The following PCDHA12 variants were observed in gnomAD, a reference collection of about 807,000 sequenced individuals.
The protein encoded by PCDHA12 is protocadherin alpha-12.
A neutral mutation model predicts 60.0 loss-of-function variants in PCDHA12; 44 were observed. That is an observed-to-expected ratio of 0.73 (90% CI 0.58 to 0.94). The LOEUF is 0.94. PCDHA12 is among the 40% of genes least tolerant of loss of function. The pLI, the probability that PCDHA12 is intolerant of heterozygous loss-of-function variation, is 0.00. For synonymous variants in PCDHA12, 569 were observed against 553.0 expected (o/e 1.03, Z -0.40); for missense variants, 1,276 against 1,239.7 (o/e 1.03, Z -0.44).
At chr5:140,949,219 C>T (rs543953096) in intron 1 of PCDHA12, among the ~76,000 whole-genome samples, 3 of 151,842 alleles carry the variant, frequency 2.0e-5, no homozygotes, top group African/African-American at 7.2e-5. Flanking sequence ...TCTGTTTAGA[C>T]TTGTTCTGTG....
intron 1 of PCDHA12, among the ~76,000 whole-genome samples, chr5:140,924,235 G>C (rs1320085802): frequency 6.6e-6 from 1 of 152,208 alleles, no homozygotes; most frequent in Non-Finnish European, 1.5e-5. Flanking sequence ...TTTATGGGCT[G>C]TTTTGCATCC....
rs530563833 is a variant in PCDHA12, at chr5:140,894,957, T to A, written c.2367+17118T>A. Among the ~76,000 whole-genome samples, 18 of 152,324 alleles carry A rather than the reference T, an allele frequency of 1.2e-4. No individual in the cohort carries two copies. In the East Asian group the frequency reaches 3.3e-3, roughly 28 times the overall value. Reference sequence around the variant, plus strand: ...AGCTATTGTCATGAAATGATAAAAATATAATTTTTTAATGTCTTACTTTGT... The same window carrying A: ...AGCTATTGTCATGAAATGATAAAAAAATAATTTTTTAATGTCTTACTTTGT... On this transcript the variant is annotated intron_variant, in intron 1 of 3. Transcript: ENST00000398631.
chr5:140,992,216 C>G (rs1554252754), intron 3 of PCDHA12, among the ~76,000 whole-genome samples: 1 of 152,100 alleles, frequency 6.6e-6, no homozygotes, highest in African/African-American at 2.4e-5. Flanking sequence ...AAACTACTCT[C>G]CCTTCCTGGG....
intron 1 of PCDHA12, among the ~76,000 whole-genome samples, chr5:140,958,063 A>G (rs2095406851): frequency 6.6e-6 from 1 of 152,118 alleles, no homozygotes; most frequent in Non-Finnish European, 1.5e-5. Flanking sequence ...GAGAGAAAAA[A>G]CACAGAAGCA....
At chr5:140,958,290 T>C (rs1554223401) in intron 1 of PCDHA12, among the ~76,000 whole-genome samples, 1 of 152,154 alleles carries the variant, frequency 6.6e-6, no homozygotes, top group Non-Finnish European at 1.5e-5. Context: ...TTAAATATTA[T>C]TGAACTTAAT....
intron 1 of PCDHA12, chr5:140,967,079 A>T: frequency 1.2e-6 from 2 of 1,613,252 alleles, no homozygotes; most frequent in South Asian, 2.2e-5. Flanking sequence ...CAACGAGCGC[A>T]TTGATCGGGA....
intron 1 of PCDHA12, among the ~76,000 whole-genome samples, chr5:140,885,485 TTC>T (rs1412041657): frequency 1.3e-5 from 2 of 152,188 alleles, no homozygotes; most frequent in Admixed American, 6.5e-5. Context: ...GTGTCAAGTG[TTC>T]TGTTATCTTC....
chr5:140,883,676 C>T lies in PCDHA12; in HGVS notation c.2367+5837C>T, dbSNP rs986680593. 6.2e-6 allele frequency: 10 copies of T among 1,613,792 alleles called. No homozygotes were observed. In the Admixed American group the frequency reaches 1.0e-4, roughly 16 times the overall value. On this transcript the variant is annotated intron_variant, in intron 1 of 3. Transcript: ENST00000398631. Reference sequence around the variant, plus strand: ...GGTGTTCGTGAAGGAAAACAATCCGCCGGGCTGCCACATCTTCACGGTGTC... The same window carrying T: ...GGTGTTCGTGAAGGAAAACAATCCGTCGGGCTGCCACATCTTCACGGTGTC...
chr5:140,911,583 G>C (rs1245667621), intron 1 of PCDHA12, among the ~76,000 whole-genome samples: 4 of 152,150 alleles, frequency 2.6e-5, no homozygotes, highest in African/African-American at 7.2e-5. Context: ...GTGAACTTAG[G>C]AGGAACCAAC....
chr5:140,906,296 A>G (rs1378311950), intron 1 of PCDHA12, among the ~76,000 whole-genome samples: 9 of 152,226 alleles, frequency 5.9e-5, no homozygotes, highest in Non-Finnish European at 1.5e-5. Flanking sequence ...GACAATAATA[A>G]GGTCATAATT....
rs150949805 is a variant in PCDHA12, at chr5:141,009,832, C to T, written c.2721C>T (p.Phe907=). The stretch of plus-strand genomic sequence containing the variant: ...TTGACAAAAGTGACTTCATAACCTT[C>T]GGCAAAAAGGAGGAGACCAAGAAAA... ...SQIDKSDFIT[F]GKKEETKKKK... The change falls in exon 4 of 4, where the codon TTC becomes TTT. Residue 907 remains phenylalanine (F), a synonymous_variant. Coordinates refer to ENST00000398631, the MANE Select transcript of PCDHA12 (RefSeq NM_018903.4). The T allele has an allele frequency of 7.1e-5, 114 of 1,613,408 alleles. No individual in the cohort carries two copies. The highest frequency in any genetic ancestry group is 9.2e-5 in the Non-Finnish European group (109 of 1,179,918).
intron 1 of PCDHA12, among the ~76,000 whole-genome samples, chr5:140,945,121 C>T (rs1412218992): frequency 6.6e-6 from 1 of 152,042 alleles, no homozygotes; most frequent in East Asian, 1.9e-4. Context: ...GATAAAAAAT[C>T]AACTTACAAA....
At chr5:141,001,303 A>G (rs2098006866) in intron 3 of PCDHA12, among the ~76,000 whole-genome samples, 2 of 152,182 alleles carry the variant, frequency 1.3e-5, no homozygotes, top group Admixed American at 1.3e-4. Context: ...GCCCAGAGAT[A>G]TGAAATAATT....
Position 141,010,456 on chromosome 5 carries a change from TATC to T in PCDHA12, c.*521_*523del. The T allele has an allele frequency of 1.1e-6, 1 of 877,088 alleles. No individual in the cohort carries two copies. The highest frequency in any genetic ancestry group is 3.0e-5 in the Admixed American group (1 of 33,582). The allele number at this position is 877,088 out of a possible 1,614,324, so 54.3% of individuals were successfully genotyped here. On this transcript the variant is annotated 3_prime_UTR_variant, in exon 4 of 4. Transcript: ENST00000398631. ...ACAAAGACAAATAAACAGCGGAAGT[TATC>T]AGTATGGAGGGGAAGTGTAAACTTA... is the stretch of plus-strand genomic sequence containing the variant.
At chr5:140,962,817 G>C (rs555403742) in intron 1 of PCDHA12, among the ~76,000 whole-genome samples, 1 of 152,202 alleles carries the variant, frequency 6.6e-6, no homozygotes, top group Non-Finnish European at 1.5e-5. Flanking sequence ...CATCAGAGAT[G>C]ACCATTTGTC....
At chr5:140,926,754 C>G in intron 1 of PCDHA12, 1 of 1,283,492 alleles carries the variant, frequency 7.8e-7, no homozygotes, top group South Asian at 2.2e-5. Flanking sequence ...TCGGCGGTCG[C>G]TGAGTATCCA....
At chr5:141,003,328 G>C (rs941196932) in intron 3 of PCDHA12, among the ~76,000 whole-genome samples, 1 of 152,102 alleles carries the variant, frequency 6.6e-6, no homozygotes, top group Admixed American at 6.5e-5. Flanking sequence ...AGAGGGCAGG[G>C]TTTTTTGTTT....
intron 1 of PCDHA12, chr5:140,968,494 C>G (rs782064203): frequency 1.2e-6 from 2 of 1,614,096 alleles, no homozygotes; most frequent in South Asian, 2.2e-5. Flanking sequence ...ATGACCATGC[C>G]CCTCACATTC....
chr5:140,924,785 C>G (rs2082005933), intron 1 of PCDHA12, among the ~76,000 whole-genome samples: 1 of 151,704 alleles, frequency 6.6e-6, no homozygotes, highest in African/African-American at 2.4e-5. Context: ...GTCCTAGCTA[C>G]TTAGGAGGCT....
Sources: gnomAD v4.1 joint callset for allele counts (sites outside exome capture counted in the v4.1 genomes callset) on GRCh38, gnomAD v4.1.1 for gene constraint, MANE v1.5 for transcripts, NCBI Gene and HGNC (gene_info 2026-07-23, HGNC 2026-07-21) for gene names.